The following ADGRV1 variants were observed in gnomAD, a reference collection of about 807,000 sequenced individuals.
ADGRV1 encodes G-protein coupled receptor 98.
ADGRV1 carries 359 observed loss-of-function variants against 596.2 expected under a neutral mutation model. The ratio of observed to expected loss-of-function variants is 0.60; its 90% confidence interval spans 0.55 to 0.66. The LOEUF is 0.66. Among genes scored for constraint, ADGRV1 ranks in the 30% least tolerant of loss-of-function variants. The pLI is 0.00. For missense variants in ADGRV1, 7,274 were observed against 7,575.6 expected, an observed-to-expected ratio of 0.96 and a Z score of 1.48; for synonymous variants, 2,681 against 2,679.2, an observed-to-expected ratio of 1.00 and a Z score of -0.02.
At chr5:90,938,817 G>A (rs1237919363) in intron 83 of ADGRV1, among the ~76,000 whole-genome samples, 1 of 152,128 alleles carries the variant, frequency 6.6e-6, no homozygotes, top group African/African-American at 2.4e-5. Context: ...CAAAGTATTG[G>A]TAGGAAAAGT....
chr5:90,996,027 G>A (rs1781384863), intron 85 of ADGRV1, among the ~76,000 whole-genome samples: 1 of 152,174 alleles, frequency 6.6e-6, no homozygotes, highest in Non-Finnish European at 1.5e-5. Flanking sequence ...TAAAAGGGAA[G>A]CAAAGCATAA....
chr5:90,766,532 A>G (rs2150031784), intron 59 of ADGRV1, among the ~76,000 whole-genome samples: 2 of 152,300 alleles, frequency 1.3e-5, no homozygotes, highest in East Asian at 3.9e-4. Context: ...ACTTTGAAAA[A>G]AAATTAAGGA....
At chr5:91,021,480 G>A (rs919583071) in intron 85 of ADGRV1, among the ~76,000 whole-genome samples, 2 of 152,008 alleles carry the variant, frequency 1.3e-5, no homozygotes, top group East Asian at 1.9e-4. Context: ...TATTAGGTGG[G>A]GAAATCAAAG....
chr5:90,795,523 T>C, intron 70 of ADGRV1, among the ~76,000 whole-genome samples: 1 of 152,090 alleles, frequency 6.6e-6, no homozygotes, highest in East Asian at 1.9e-4. Flanking sequence ...AAAACCCCCA[T>C]CTCCCTGGCA....
chr5:90,579,316 C>T (rs1419153685), intron 1 of ADGRV1, among the ~76,000 whole-genome samples: 1 of 152,168 alleles, frequency 6.6e-6, no homozygotes, highest in Non-Finnish European at 1.5e-5. Context: ...TCTTTGTTCT[C>T]ATTGGTTTCA....
chr5:91,015,242 A>G (rs1474047807), intron 85 of ADGRV1, among the ~76,000 whole-genome samples: 2 of 151,962 alleles, frequency 1.3e-5, no homozygotes. Flanking sequence ...GTGGTTTGAG[A>G]GTGTGTTTGG....
intron 77 of ADGRV1, among the ~76,000 whole-genome samples, chr5:90,839,389 T>C (rs138560621): frequency 0.017 from 2,637 of 152,034 alleles, 81 homozygotes; most frequent in African/African-American, 0.061. Context: ...TAATTTTTTG[T>C]ATTTTTAGTA....
chr5:91,132,961 G>C (rs1296069945), intron 87 of ADGRV1, among the ~76,000 whole-genome samples: 1 of 152,182 alleles, frequency 6.6e-6, no homozygotes, highest in African/African-American at 2.4e-5. Flanking sequence ...TCTTTATCTT[G>C]AAAGTAGTGG....
chr5:90,907,061 C>T (rs1772393367), intron 83 of ADGRV1, among the ~76,000 whole-genome samples: 1 of 152,100 alleles, frequency 6.6e-6, no homozygotes, highest in Non-Finnish European at 1.5e-5. Context: ...AGTTAAGATA[C>T]ATATATGAAA....
chr5:90,691,574 G>A (rs1391240567), intron 31 of ADGRV1, among the ~76,000 whole-genome samples: 5 of 151,284 alleles, frequency 3.3e-5, no homozygotes, highest in Non-Finnish European at 7.4e-5. Flanking sequence ...TAATAGAAAC[G>A]GAGTTTCACA....
At chr5:90,955,506 T>C (rs888066864) in intron 83 of ADGRV1, among the ~76,000 whole-genome samples, 2 of 152,146 alleles carry the variant, frequency 1.3e-5, no homozygotes, top group Non-Finnish European at 2.9e-5. Context: ...GAACCTTGGC[T>C]CTGGAATCAG....
chr5:91,003,177 A>G (rs944979412), intron 85 of ADGRV1, among the ~76,000 whole-genome samples: 3 of 152,184 alleles, frequency 2.0e-5, no homozygotes, highest in African/African-American at 7.2e-5. Context: ...TGCTAGCATA[A>G]GAAAAGGTGG....
intron 77 of ADGRV1, among the ~76,000 whole-genome samples, chr5:90,838,545 C>T (rs912728658): frequency 1.3e-5 from 2 of 152,184 alleles, no homozygotes; most frequent in African/African-American, 4.8e-5. Context: ...ATTGCTCTTA[C>T]GTGATGTCGT....
At chr5:90,763,531 T>A in intron 59 of ADGRV1, 62 bp downstream of exon 59, 1 of 1,504,438 alleles carries the variant, frequency 6.6e-7, no homozygotes, top group Non-Finnish European at 9.2e-7. Flanking sequence ...TTCTTTTTCC[T>A]TTTTATTGTA....
intron 83 of ADGRV1, among the ~76,000 whole-genome samples, chr5:90,929,911 T>G (rs1775059517): frequency 6.6e-6 from 1 of 152,174 alleles, no homozygotes; most frequent in Admixed American, 6.5e-5. Flanking sequence ...AAGAAATCAT[T>G]TTTAAGAAAA....
intron 86 of ADGRV1, 95 bp downstream of exon 86, chr5:91,072,699 G>A (rs1383277431): frequency 6.9e-6 from 9 of 1,310,154 alleles, no homozygotes; most frequent in Admixed American, 3.9e-5. Flanking sequence ...AGGGAAGTTC[G>A]GCTCATCTTT....
chr5:90,689,332 CTTTTTTTTTTT>C (rs34756274), intron 29 of ADGRV1, among the ~76,000 whole-genome samples: 5 of 104,438 alleles, frequency 4.8e-5, no homozygotes, highest in African/African-American at 2.1e-4. Context: ...CCCCACCCAC[CTTTTTTTTTTT>C]TTTTTTTTTT....
chr5:91,028,038 T>C (rs75621191), intron 85 of ADGRV1, among the ~76,000 whole-genome samples: 3 of 136,868 alleles, frequency 2.2e-5, no homozygotes, highest in Non-Finnish European at 4.7e-5. Context: ...TTTTTCTTTC[T>C]TTTTTTTTTT....
chr5:90,742,027 G>T (rs1216927902), intron 50 of ADGRV1, among the ~76,000 whole-genome samples: 1 of 152,226 alleles, frequency 6.6e-6, no homozygotes, highest in African/African-American at 2.4e-5. Context: ...ACTTATCTTC[G>T]CTTTCACCCT....
Sources: gnomAD v4.1 joint callset for allele counts (sites outside exome capture counted in the v4.1 genomes callset) on GRCh38, gnomAD v4.1.1 for gene constraint, MANE v1.5 for transcripts, NCBI Gene and HGNC (gene_info 2026-07-23, HGNC 2026-07-21) for gene names.